Variants in KIF21A observed in about 807,000 individuals in gnomAD.
The protein encoded by KIF21A is kinesin family member 21A.
KIF21A carries 114 observed loss-of-function variants against 202.9 expected under a neutral mutation model. The observed-to-expected ratio is 0.56, with a 90% CI of 0.48 to 0.66. The LOEUF is 0.66. KIF21A is among the 30% of genes least tolerant of loss of function. The pLI is 0.00. For missense variants in KIF21A, 1,677 were observed against 1,994.9 expected (o/e 0.84, Z 3.04); for synonymous variants, 667 against 670.8 (o/e 0.99, Z 0.09).
chr12:39,384,826 T>A (rs1392369936), intron 1 of KIF21A, among the ~76,000 whole-genome samples: 2 of 152,150 alleles, frequency 1.3e-5, no homozygotes, highest in Non-Finnish European at 1.5e-5. Context: ...CCAAGCTCAT[T>A]CAAGTTGTTG....
chr12:39,324,457 TTTTA>T (rs1195984009), intron 26 of KIF21A, among the ~76,000 whole-genome samples: 1 of 152,230 alleles, frequency 6.6e-6, no homozygotes, highest in Admixed American at 6.5e-5. Flanking sequence ...TAGCAGAATG[TTTTA>T]TTTGAGTTTT....
chr12:39,331,782 C>T lies in KIF21A; in HGVS notation c.3061G>A (p.Glu1021Lys), dbSNP rs145207490. Reference sequence around the variant, plus strand: ...ATGACTGCAGTAACATCCAATGTCTCACCTTCTTCCTGTATAAAATCAGCA... The same window carrying T: ...ATGACTGCAGTAACATCCAATGTCTTACCTTCTTCCTGTATAAAATCAGCA... ...MQMEEAKEEG[E>K]TLDVTAVINA... is the part of the protein sequence containing the mutation. The change falls in exon 22 of 38, where the codon GAG (glutamate) becomes AAG (lysine). Residue 1021 changes from glutamate to lysine, a missense_variant. Glu to Lys is a moderately conservative substitution (Grantham distance 56). Coordinates refer to ENST00000361418, the MANE Select transcript of KIF21A (RefSeq NM_001173464.2). The T allele has an allele frequency of 6.2e-7, 1 of 1,610,054 alleles. No individual in the cohort carries two copies. Among genetic ancestry groups the T allele is most frequent in the Non-Finnish European group, 8.5e-7 (1 of 1,176,438 alleles).
chr12:39,348,284 G>A (rs1021184747), intron 11 of KIF21A, among the ~76,000 whole-genome samples: 2 of 152,162 alleles, frequency 1.3e-5, no homozygotes, highest in Middle Eastern at 3.4e-3. Context: ...TAAAGAGAAT[G>A]ACAATTCTTG....
intron 1 of KIF21A, among the ~76,000 whole-genome samples, chr12:39,430,459 G>A (rs890477536): frequency 2.0e-5 from 3 of 151,650 alleles, no homozygotes; most frequent in Non-Finnish European, 2.9e-5. Flanking sequence ...CCAGCTATTC[G>A]GGAGACTGAG....
At chr12:39,327,329 G>C (rs1222867463) in intron 24 of KIF21A, among the ~76,000 whole-genome samples, 1 of 151,944 alleles carries the variant, frequency 6.6e-6, no homozygotes, top group Non-Finnish European at 1.5e-5. Context: ...ATCATATCTA[G>C]GACTCACTCA....
chr12:39,301,626 G>A lies in KIF21A; in HGVS notation c.4785C>T (p.Asp1595=), dbSNP rs1327853795. The A allele has an allele frequency of 6.2e-7, 1 of 1,614,018 alleles. No homozygotes were observed. The highest frequency in any genetic ancestry group is 1.3e-5 in the African/African-American group (1 of 74,988). The change falls in exon 37 of 38, where the codon GAC becomes GAT. Residue 1595 remains aspartate, a synonymous_variant. Coordinates refer to ENST00000361418, the MANE Select transcript of KIF21A (RefSeq NM_001173464.2). ...TGCAGCCACTGAGCAAAACTGGGTGGTCTGGCACCACTCCCAGGGCACAGA... is the reference window on the plus strand; with the variant it reads ...TGCAGCCACTGAGCAAAACTGGGTGATCTGGCACCACTCCCAGGGCACAGA... ...DWVCALGVVP[D]HPVLLSGCRG... is the part of the protein sequence containing the mutation.
intron 12 of KIF21A, among the ~76,000 whole-genome samples, chr12:39,342,607 T>C (rs1947535743): frequency 6.6e-6 from 1 of 152,168 alleles, no homozygotes; most frequent in Non-Finnish European, 1.5e-5. Context: ...ACAGTAAGCT[T>C]GTCTACACTA....
At chr12:39,367,579 G>A (rs1592368698) in intron 4 of KIF21A, among the ~76,000 whole-genome samples, 1 of 152,158 alleles carries the variant, frequency 6.6e-6, no homozygotes, top group Non-Finnish European at 1.5e-5. Context: ...AGTACAAAAG[G>A]ATTGTGGTCT....
intron 26 of KIF21A, among the ~76,000 whole-genome samples, chr12:39,324,179 A>G (rs893887460): frequency 6.6e-6 from 1 of 152,134 alleles, no homozygotes; most frequent in Non-Finnish European, 1.5e-5. Flanking sequence ...AGCAGGTAGC[A>G]CTTCAGAAAA....
chr12:39,373,799 T>G (rs569674996), intron 1 of KIF21A, among the ~76,000 whole-genome samples: 1 of 152,338 alleles, frequency 6.6e-6, no homozygotes, highest in South Asian at 2.1e-4. Context: ...TCTCTTAACC[T>G]CTACTCATCT....
At chr12:39,321,886 A>G (rs1427936764) in intron 27 of KIF21A, 1 of 151,592 alleles carries the variant, frequency 6.6e-6, no homozygotes, top group Non-Finnish European at 1.5e-5. Context: ...GTGAATGACT[A>G]ATCTAATATT....
chr12:39,327,612 G>T (rs1946081182), intron 24 of KIF21A, among the ~76,000 whole-genome samples: 11 of 152,170 alleles, frequency 7.2e-5, no homozygotes, highest in Admixed American at 7.2e-4. Flanking sequence ...TTCGTAAAAA[G>T]CTCTTAACTC....
intron 29 of KIF21A, among the ~76,000 whole-genome samples, chr12:39,316,221 A>G (rs2137524373): frequency 6.6e-6 from 1 of 152,216 alleles, no homozygotes; most frequent in African/African-American, 2.4e-5. Flanking sequence ...GATATACAAA[A>G]TCTATCCTCA....
chr12:39,367,989 T>A lies in KIF21A; in HGVS notation c.494A>T (p.Asp165Val). ...EVLDLFDTTR[D>V]IDAKSKKSNI... ...TGATTTTTTACTTTTTGCATCAATA[T>A]CACGAGTGGTATCAAATAAGTCAAG... is the stretch of plus-strand genomic sequence containing the variant. Residue 165 changes from aspartate to valine, a missense_variant, in exon 4 of 38, where the codon GAT becomes GTT. By Grantham distance (152) the Asp-to-Val change is radical. Around this residue, in one of 3 missense-constraint regions of KIF21A, gnomAD observed 966 missense variants for 1,180.9 expected, o/e 0.82. Coordinates refer to ENST00000361418, the MANE Select transcript of KIF21A (RefSeq NM_001173464.2). 6.3e-7 allele frequency: 1 copy of A among 1,599,160 alleles called. No homozygotes were observed. The highest frequency in any genetic ancestry group is 8.6e-7 in the Non-Finnish European group (1 of 1,167,314).
At chr12:39,428,056 G>T (rs1028565095) in intron 1 of KIF21A, among the ~76,000 whole-genome samples, 1 of 152,198 alleles carries the variant, frequency 6.6e-6, no homozygotes, top group African/African-American at 2.4e-5. Context: ...TGCAGTATGG[G>T]TAGGGATGAT....
chr12:39,356,672 G>A, intron 10 of KIF21A, 160 bp downstream of exon 10: 2 of 507,606 alleles, frequency 3.9e-6, no homozygotes, highest in South Asian at 2.5e-5. Context: ...TGACATCAAG[G>A]GAAAGGTAAG....
intron 1 of KIF21A, among the ~76,000 whole-genome samples, chr12:39,438,215 G>A (rs1939089850): frequency 6.6e-6 from 1 of 152,086 alleles, no homozygotes; most frequent in Non-Finnish European, 1.5e-5. Flanking sequence ...ACCAGAATGG[G>A]ACAAAGAGAC....
Position 39,307,167 on chromosome 12 carries a change from A to AT in KIF21A, c.4442+397dup, listed in dbSNP as rs60657557. Reference sequence around the variant, plus strand: ...GAGGACTTTATGCCCAAAGTTGTTAATTTTATAAATTAAAAAATTTAAGAT... The same window carrying AT: ...GAGGACTTTATGCCCAAAGTTGTTAATTTTTATAAATTAAAAAATTTAAGAT... On this transcript the variant is annotated intron_variant, in intron 34 of 37. Coordinates refer to ENST00000361418, the MANE Select transcript of KIF21A (RefSeq NM_001173464.2). Among the ~76,000 whole-genome samples, 718 of 152,218 alleles carry AT rather than the reference A, an allele frequency of 4.7e-3. 6 individuals carry two copies. The highest frequency in any genetic ancestry group is 0.016 in the African/African-American group (670 of 41,548).
At chr12:39,359,230 C>T (rs552937069) in intron 7 of KIF21A, among the ~76,000 whole-genome samples, 2 of 152,256 alleles carry the variant, frequency 1.3e-5, no homozygotes, top group African/African-American at 4.8e-5. Context: ...CATTCCACAC[C>T]TTTTTCCTAC....
Sources: gnomAD v4.1 joint callset for allele counts (sites outside exome capture counted in the v4.1 genomes callset) on GRCh38, gnomAD v4.1.1 for gene constraint, gnomAD v4.1.1 regional missense constraint, MANE v1.5 for transcripts, NCBI Gene and HGNC (gene_info 2026-07-23, HGNC 2026-07-21) for gene names.